Variants in PPARGC1A observed in about 807,000 individuals in gnomAD.
The protein encoded by PPARGC1A is PPARG coactivator 1 alpha, also known as peroxisome proliferator-activated receptor gamma coactivator 1-alpha.
PPARGC1A carries 25 observed loss-of-function variants against 88.7 expected under a neutral mutation model. The ratio of observed to expected loss-of-function variants is 0.28; its 90% CI spans 0.21 to 0.39. The LOEUF is 0.39. PPARGC1A is among the 10% of genes least tolerant of loss of function. The pLI is 1.00. For missense variants in PPARGC1A, 880 were observed against 968.7 expected (o/e 0.91, Z 1.22); for synonymous variants, 363 against 355.6 (o/e 1.02, Z -0.24).
At chr4:24,107,522 C>A in the PPARGC1A span, among the ~76,000 whole-genome samples, 1 of 152,232 alleles carries the variant, frequency 6.6e-6, no homozygotes, top group South Asian at 2.1e-4. Context: ...ATAGTCTTTT[C>A]TCTTTCACAT....
the PPARGC1A span, among the ~76,000 whole-genome samples, chr4:24,380,616 G>A: frequency 2.0e-5 from 3 of 152,226 alleles, no homozygotes; most frequent in African/African-American, 4.8e-5. Flanking sequence ...AAGACAAGAC[G>A]AGAGTCAGTG....
At chr4:24,071,879 A>C in the PPARGC1A span, among the ~76,000 whole-genome samples, 1 of 152,166 alleles carries the variant, frequency 6.6e-6, no homozygotes, top group Non-Finnish European at 1.5e-5. Flanking sequence ...CCATTCTCAC[A>C]TTCCCTGATT....
chr4:24,105,930 A>G, the PPARGC1A span, among the ~76,000 whole-genome samples: 3 of 152,186 alleles, frequency 2.0e-5, no homozygotes, highest in Non-Finnish European at 4.4e-5. Flanking sequence ...GACGGCAAAC[A>G]TTTTGGAGAG....
the PPARGC1A span, among the ~76,000 whole-genome samples, chr4:23,974,728 G>T: frequency 4.0e-5 from 6 of 150,238 alleles, no homozygotes; most frequent in African/African-American, 1.5e-4. Flanking sequence ...CGCCCCCCGG[G>T]TTCACGCCAT....
At chr4:24,096,004 G>A in the PPARGC1A span, among the ~76,000 whole-genome samples, 2 of 152,132 alleles carry the variant, frequency 1.3e-5, no homozygotes, top group East Asian at 1.9e-4. Context: ...GATATGGTTT[G>A]GATTTGTGTC....
the PPARGC1A span, among the ~76,000 whole-genome samples, chr4:24,333,214 A>C: frequency 1.3e-5 from 2 of 152,158 alleles, no homozygotes; most frequent in Non-Finnish European, 2.9e-5. Flanking sequence ...GCTGCACTCC[A>C]GCCTGGGCAA....
At chr4:24,347,555 T>C in the PPARGC1A span, among the ~76,000 whole-genome samples, 1 of 152,218 alleles carries the variant, frequency 6.6e-6, no homozygotes, top group Non-Finnish European at 1.5e-5. Flanking sequence ...GTTTATTTTG[T>C]TTGATATAAG....
At chr4:23,824,605 C>T in intron 5 of PPARGC1A, 97 bp from the exon 6 acceptor site, 4 of 1,051,594 alleles carry the variant, frequency 3.8e-6, no homozygotes, top group Non-Finnish European at 5.5e-6. Flanking sequence ...AACCAGAAAA[C>T]TCAAAGACTA....
At chr4:24,384,261 A>G in the PPARGC1A span, among the ~76,000 whole-genome samples, 2 of 152,158 alleles carry the variant, frequency 1.3e-5, no homozygotes, top group Non-Finnish European at 2.9e-5. Flanking sequence ...AAAAACCGAT[A>G]CCAGCCACTG....
the PPARGC1A span, among the ~76,000 whole-genome samples, chr4:24,436,526 G>A: frequency 2.0e-5 from 3 of 148,532 alleles, no homozygotes; most frequent in Admixed American, 2.0e-4. Flanking sequence ...AGCTGACATC[G>A]ATTGGCCACC....
chr4:24,462,938 A>G, the PPARGC1A span, among the ~76,000 whole-genome samples: 1 of 151,814 alleles, frequency 6.6e-6, no homozygotes, highest in Admixed American at 6.6e-5. Flanking sequence ...TTCACCCAGG[A>G]GCAGAGTCCC....
chr4:24,064,235 G>C, the PPARGC1A span, among the ~76,000 whole-genome samples: 1 of 152,118 alleles, frequency 6.6e-6, no homozygotes, highest in Admixed American at 6.6e-5. Context: ...AACAATCAAT[G>C]GTAATAACGA....
At chr4:24,170,941 A>AC in the PPARGC1A span, among the ~76,000 whole-genome samples, 1 of 151,230 alleles carries the variant, frequency 6.6e-6, no homozygotes, top group African/African-American at 2.4e-5. Context: ...CAACCATCTG[A>AC]CCCCCTGGCT....
the PPARGC1A span, among the ~76,000 whole-genome samples, chr4:24,359,287 A>T: frequency 6.6e-6 from 1 of 152,308 alleles, no homozygotes; most frequent in South Asian, 2.1e-4. Context: ...TCCCAGGCTC[A>T]GTCCTTAAAC....
chr4:24,100,498 C>T, the PPARGC1A span, among the ~76,000 whole-genome samples: 1,420 of 152,268 alleles, frequency 9.3e-3, 13 homozygotes, highest in Middle Eastern at 0.058. Context: ...CTTCGACATA[C>T]GTGGCTATTC....
chr4:24,457,402 T>G, the PPARGC1A span, among the ~76,000 whole-genome samples: 1 of 151,654 alleles, frequency 6.6e-6, no homozygotes, highest in Non-Finnish European at 1.5e-5. Flanking sequence ...ATGAGCTTTA[T>G]TTTTCACAAA....
chr4:24,385,296 A>G, the PPARGC1A span, among the ~76,000 whole-genome samples: 2 of 152,208 alleles, frequency 1.3e-5, no homozygotes, highest in African/African-American at 4.8e-5. Context: ...AGCAGGAAAG[A>G]TCTAAAATCG....
the PPARGC1A span, among the ~76,000 whole-genome samples, chr4:24,054,369 A>G: frequency 6.6e-6 from 1 of 152,070 alleles, no homozygotes; most frequent in Non-Finnish European, 1.5e-5. Context: ...AGAGGAAGTA[A>G]CCCATCTGAG....
chr4:24,275,993 T>C, the PPARGC1A span, among the ~76,000 whole-genome samples: 1 of 152,142 alleles, frequency 6.6e-6, no homozygotes, highest in African/African-American at 2.4e-5. Context: ...ACATGACATT[T>C]GACATTGCAA....
Sources: gnomAD v4.1 joint callset for allele counts (sites outside exome capture counted in the v4.1 genomes callset) on GRCh38, gnomAD v4.1.1 for gene constraint, MANE v1.5 for transcripts, NCBI Gene and HGNC (gene_info 2026-07-23, HGNC 2026-07-21) for gene names.